FSTL5: variants seen among roughly 807,000 people sequenced by gnomAD.
FSTL5 encodes follistatin-related protein 5.
A neutral mutation model predicts 89.1 loss-of-function variants in FSTL5; 62 were observed. That is an observed-to-expected ratio of 0.70 (90% CI 0.57 to 0.86). The LOEUF is 0.86. FSTL5 is among the 40% of genes least tolerant of loss of function. FSTL5 has a pLI of 0.00. For missense variants in FSTL5, 1,057 were observed against 1,001.6 expected (o/e 1.06, Z -0.75); for synonymous variants, 383 against 346.2 (o/e 1.11, Z -1.18).
intron 3 of FSTL5, among the ~76,000 whole-genome samples, chr4:162,011,282 T>C (rs1010947378): frequency 6.6e-6 from 1 of 152,138 alleles, no homozygotes; most frequent in East Asian, 1.9e-4. Flanking sequence ...TATTGAGTTA[T>C]ATGCCAGAAG....
At chr4:161,863,986 A>G (rs918253101) in intron 4 of FSTL5, among the ~76,000 whole-genome samples, 16 of 152,204 alleles carry the variant, frequency 1.1e-4, no homozygotes, top group Admixed American at 9.8e-4. Context: ...GACATTTGTT[A>G]TAACTCAAGG....
chr4:161,706,447 T>C (rs538663666), intron 6 of FSTL5, among the ~76,000 whole-genome samples: 2 of 152,156 alleles, frequency 1.3e-5, no homozygotes, highest in African/African-American at 4.8e-5. Flanking sequence ...AAAAACGTTA[T>C]TGAATTATCC....
intron 6 of FSTL5, among the ~76,000 whole-genome samples, chr4:161,709,761 A>C (rs1460627059): frequency 6.6e-6 from 1 of 152,118 alleles, no homozygotes; most frequent in East Asian, 1.9e-4. Flanking sequence ...ACGTCAGTGC[A>C]ATTCAGCCTG....
intron 13 of FSTL5, among the ~76,000 whole-genome samples, chr4:161,473,645 A>G (rs1241339093): frequency 6.6e-6 from 1 of 152,064 alleles, no homozygotes; most frequent in Non-Finnish European, 1.5e-5. Context: ...TTGTCCAGGT[A>G]GGTCTTGAAC....
At chr4:161,783,528 C>T (rs187774727) in intron 4 of FSTL5, among the ~76,000 whole-genome samples, 4 of 150,172 alleles carry the variant, frequency 2.7e-5, no homozygotes, top group Non-Finnish European at 4.5e-5. Context: ...TGTCTTCTTT[C>T]TTTCTTTCAG....
chr4:161,686,331 TATATATATATATATA>T (rs1351884275), intron 6 of FSTL5, among the ~76,000 whole-genome samples: 267 of 8,712 alleles, frequency 0.031, 7 homozygotes, highest in East Asian at 0.052. Flanking sequence ...TATATATATA[TATATATATATATATA>T]TTTTTTTTTT....
intron 4 of FSTL5, among the ~76,000 whole-genome samples, chr4:161,894,786 G>A (rs1334463138): frequency 6.6e-6 from 1 of 152,108 alleles, no homozygotes; most frequent in Non-Finnish European, 1.5e-5. Context: ...TTTTTATGGA[G>A]ACATATACAC....
chr4:161,961,300 C>T (rs1578895547), intron 3 of FSTL5, among the ~76,000 whole-genome samples: 1 of 151,810 alleles, frequency 6.6e-6, no homozygotes, highest in Admixed American at 6.6e-5. Context: ...TTTGTAGAGA[C>T]GATGTCTCCC....
intron 4 of FSTL5, among the ~76,000 whole-genome samples, chr4:161,861,840 A>AC (rs1731927052): frequency 6.6e-6 from 1 of 152,240 alleles, no homozygotes; most frequent in South Asian, 2.1e-4. Context: ...CTACTCACAG[A>AC]AAATCTGATC....
intron 15 of FSTL5, among the ~76,000 whole-genome samples, chr4:161,420,589 A>G (rs1483827722): frequency 2.6e-5 from 4 of 151,904 alleles, no homozygotes; most frequent in Non-Finnish European, 4.4e-5. Context: ...GGGGAAGAGT[A>G]AAAGCCAATA....
rs17040984 is a variant in FSTL5 at position 161,385,908 on chromosome 4, G to T, written c.2383C>A (p.Arg795=). ...PLKAEEWPWN[R]KNRQIQDSGL... ...CTGTCCTGGATTTGCCTGTTTTTCC[G>T]GTTCCAAGGCCATTCTTCTGCCTTG... Residue 795 remains arginine, a synonymous_variant, in exon 16 of 16, where the codon CGG becomes AGG. Transcript: ENST00000306100. 389,716 of 1,613,382 alleles carry T rather than the reference G, an allele frequency of 0.24. 49,031 individuals carry two copies. Among genetic ancestry groups the T allele is most frequent in the East Asian group, 0.33 (14,575 of 44,818 alleles).
At chr4:161,958,198 C>T (rs1735076590) in intron 3 of FSTL5, among the ~76,000 whole-genome samples, 2 of 151,976 alleles carry the variant, frequency 1.3e-5, no homozygotes, top group South Asian at 4.2e-4. Flanking sequence ...GTTATATCTT[C>T]TATATTTCTA....
intron 4 of FSTL5, among the ~76,000 whole-genome samples, chr4:161,896,453 T>C (rs1231635382): frequency 6.6e-6 from 1 of 152,158 alleles, no homozygotes; most frequent in East Asian, 1.9e-4. Context: ...GCTAGAAAGA[T>C]GCCCCCCTTC....
intron 6 of FSTL5, among the ~76,000 whole-genome samples, chr4:161,662,756 A>G (rs763890798): frequency 2.0e-5 from 3 of 152,194 alleles, no homozygotes; most frequent in Non-Finnish European, 4.4e-5. Context: ...GAAGAAGCAC[A>G]TCAAATTTCA....
At chr4:161,695,292 G>A (rs1738103042) in intron 6 of FSTL5, among the ~76,000 whole-genome samples, 1 of 151,978 alleles carries the variant, frequency 6.6e-6, no homozygotes, top group Non-Finnish European at 1.5e-5. Flanking sequence ...CCACTTATGA[G>A]TAAGAACATA....
intron 6 of FSTL5, among the ~76,000 whole-genome samples, chr4:161,677,830 GT>G (rs1204432876): frequency 1.3e-5 from 2 of 151,658 alleles, no homozygotes; most frequent in Non-Finnish European, 2.9e-5. Context: ...CTAAAATTGT[GT>G]TTTTTTGACT....
At chr4:161,982,784 T>C (rs968988643) in intron 3 of FSTL5, among the ~76,000 whole-genome samples, 3 of 152,210 alleles carry the variant, frequency 2.0e-5, no homozygotes, top group Admixed American at 6.5e-5. Context: ...TTTTGACTCA[T>C]TGATTTACTA....
intron 1 of FSTL5, among the ~76,000 whole-genome samples, chr4:162,147,469 A>G (rs954710658): frequency 2.6e-5 from 4 of 152,208 alleles, no homozygotes; most frequent in Non-Finnish European, 5.9e-5. Flanking sequence ...TTGATTTTTT[A>G]AAGTATGGCC....
intron 11 of FSTL5, among the ~76,000 whole-genome samples, chr4:161,509,216 T>C (rs1730575861): frequency 6.6e-6 from 1 of 152,078 alleles, no homozygotes; most frequent in African/African-American, 2.4e-5. Flanking sequence ...GGCAGGAGAA[T>C]TGCTTGAACC....
Sources: allele counts gnomAD v4.1 joint callset (sites outside exome capture counted in the v4.1 genomes callset), GRCh38; gene constraint gnomAD v4.1.1; transcripts MANE v1.5; gene names NCBI Gene and HGNC (gene_info 2026-07-23, HGNC 2026-07-21).